Variants in USP32 observed in about 807,000 individuals in gnomAD.
USP32 encodes the protein ubiquitin specific peptidase 32.
In USP32, 59 loss-of-function variants were observed where a neutral mutation model predicts 204.8. The observed-to-expected ratio is 0.29, with a 90% confidence interval of 0.23 to 0.36. The LOEUF is 0.36. Ranked by LOEUF, USP32 falls within the 10% of genes least tolerant of loss-of-function variation. The pLI is 1.00. For missense variants in USP32, 1,160 were observed against 1,946.4 expected, an observed-to-expected ratio of 0.60 and a Z score of 7.60; for synonymous variants, 517 against 678.4, an observed-to-expected ratio of 0.76 and a Z score of 3.70.
chr17:60,204,481 T>C (rs2084772287), intron 26 of USP32, among the ~76,000 whole-genome samples: 1 of 151,436 alleles, frequency 6.6e-6, no homozygotes, highest in Admixed American at 6.6e-5. Context: ...TTTTTTTTTT[T>C]TTTTTGAGAC....
At position 60,336,393 on chromosome 17, in the gene USP32, T is replaced by G. The variant is rs1255337938; in HGVS notation, c.186+9088A>C. Among the ~76,000 whole-genome samples the G allele has an allele frequency of 2.1e-5, 3 of 143,158 alleles. 1 individual carries two copies. The highest frequency in any genetic ancestry group is 6.8e-5 in the Admixed American group (1 of 14,762). The allele number at this position is 143,158 out of a possible 152,430, so 93.9% of individuals were successfully genotyped here. Reference sequence around the variant, plus strand: ...GTTGTACTGTCATCTTACAGAAGCCTTGAAATCTTTTTTGTCCTGTCTTAC... The same window carrying G: ...GTTGTACTGTCATCTTACAGAAGCCGTGAAATCTTTTTTGTCCTGTCTTAC... On this transcript the variant is annotated intron_variant, in intron 2 of 33. Coordinates refer to ENST00000300896, the MANE Select transcript of USP32 (RefSeq NM_032582.4).
chr17:60,266,154 A>G, intron 7 of USP32, 63 bp from the exon 8 acceptor site: 2 of 1,322,246 alleles, frequency 1.5e-6, no homozygotes, highest in East Asian at 4.6e-5. Context: ...AATATATTTT[A>G]CTAGAAGTTG....
intron 1 of USP32, among the ~76,000 whole-genome samples, chr17:60,347,470 C>A (rs2088814844): frequency 6.6e-6 from 1 of 151,866 alleles, no homozygotes; most frequent in Non-Finnish European, 1.5e-5. Flanking sequence ...TCTCCCGCCT[C>A]AGCCTCCCGA....
intron 21 of USP32, 123 bp downstream of exon 21, chr17:60,210,890 T>A: frequency 7.0e-7 from 1 of 1,429,188 alleles, no homozygotes; most frequent in Non-Finnish European, 9.2e-7. Context: ...CTTTTGTTTA[T>A]ACCAAGTGAA....
intron 2 of USP32, among the ~76,000 whole-genome samples, chr17:60,339,544 T>C (rs1468807915): frequency 1.3e-5 from 2 of 149,780 alleles, no homozygotes; most frequent in South Asian, 2.1e-4. Context: ...GATCATGCTG[T>C]TGCACTCCAC....
intron 1 of USP32, among the ~76,000 whole-genome samples, chr17:60,362,758 CT>C (rs1346673643): frequency 1.3e-5 from 2 of 151,870 alleles, no homozygotes; most frequent in African/African-American, 4.8e-5. Flanking sequence ...TCACAAACTT[CT>C]GAAGCTATCA....
At chr17:60,271,214 G>T in intron 6 of USP32, 136 bp downstream of exon 6, 1 of 1,127,448 alleles carries the variant, frequency 8.9e-7, no homozygotes, top group Non-Finnish European at 1.2e-6. Flanking sequence ...ATTCCCATTT[G>T]TTTTTCCCCA....
intron 1 of USP32, among the ~76,000 whole-genome samples, chr17:60,412,422 G>A (rs1230207374): frequency 1.3e-5 from 2 of 151,836 alleles, no homozygotes; most frequent in Admixed American, 1.3e-4. Context: ...GGTGGGGCGG[G>A]GGAGCAGGTG....
At position 60,182,710 on chromosome 17, in the gene USP32, C is replaced by G. The variant is rs377161843; in HGVS notation, c.4123+455G>C. On this transcript the variant is annotated intron_variant, in intron 31 of 33. Transcript: ENST00000300896. ...CCCAGGAGGTAGAGGCTGCAGTGAG[C>G]TGTGATCTGTGTTGCACCACTGCAC... Among the ~76,000 whole-genome samples the G allele has an allele frequency of 6.6e-5, 10 of 152,064 alleles. No homozygotes were observed. The East Asian group carries it at 1.7e-3, about 26-fold the overall frequency.
intron 1 of USP32, among the ~76,000 whole-genome samples, chr17:60,379,394 T>G: frequency 6.6e-6 from 1 of 152,136 alleles, no homozygotes. Flanking sequence ...CACAAACATC[T>G]ACTACATTCC....
Position 60,265,997 on chromosome 17 carries a change from G to C in USP32, c.906C>G (p.Asp302Glu). Reference sequence around the variant, plus strand: ...TTACAGGAATATCATCAGTGCGGTTGTCCTTCCAGACTTCTAAAAGTGCAA... The same window carrying C: ...TTACAGGAATATCATCAGTGCGGTTCTCCTTCCAGACTTCTAAAAGTGCAA... The part of the protein sequence containing the change: ...MVVALLEVWK[D>E]NRTDDIPELH... The change falls in exon 8 of 34, where the codon GAC becomes GAG. Residue 302 changes from aspartate to glutamate, a missense_variant. Physicochemically the swap from Asp to Glu is conservative, Grantham distance 45. Around this residue, in one of 8 missense-constraint regions of USP32, gnomAD observed 536 missense variants for 680.9 expected, o/e 0.79. Transcript: ENST00000300896. 6.2e-7 allele frequency: 1 copy of C among 1,613,898 alleles called. No homozygotes were observed. The highest frequency in any genetic ancestry group is 8.5e-7 in the Non-Finnish European group (1 of 1,179,848).
upstream of USP32, among the ~76,000 whole-genome samples, chr17:60,396,848 A>G (rs2089904268): frequency 6.6e-6 from 1 of 152,176 alleles, no homozygotes; most frequent in African/African-American, 2.4e-5. Context: ...AGTTTACCCT[A>G]TGTTATACTC....
At chr17:60,231,491 T>C (rs1473859534) in intron 12 of USP32, 1 of 481,596 alleles carries the variant, frequency 2.1e-6, no homozygotes, top group African/African-American at 2.0e-5. Context: ...AGGTGTTTCA[T>C]TCCTTTTATT....
At chr17:60,372,733 A>G (rs534404303) in intron 1 of USP32, among the ~76,000 whole-genome samples, 1 of 151,034 alleles carries the variant, frequency 6.6e-6, no homozygotes, top group East Asian at 1.9e-4. Context: ...CCTCCAAGCT[A>G]CTGAAGACAT....
intron 4 of USP32, among the ~76,000 whole-genome samples, chr17:60,289,406 T>C (rs909462971): frequency 1.3e-5 from 2 of 152,220 alleles, no homozygotes; most frequent in African/African-American, 4.8e-5. Context: ...ATATCTTAAT[T>C]AAATCTGTAT....
rs774373761 is a variant in USP32, at chr17:60,226,025, T to A, written c.1432+14A>T. On this transcript the variant is annotated intron_variant, in intron 13 of 33. Transcript: ENST00000300896. ...AATAAACCAATAAACCTCAGGGGAA[T>A]AGGTCATATTTACCGCTGCCAGCAG... 1 of 1,580,238 alleles carries A rather than the reference T, an allele frequency of 6.3e-7. No homozygotes were observed. The highest frequency in any genetic ancestry group is 8.6e-7 in the Non-Finnish European group (1 of 1,168,382).
chr17:60,298,974 G>T (rs2087506087), intron 3 of USP32, among the ~76,000 whole-genome samples: 1 of 151,996 alleles, frequency 6.6e-6, no homozygotes, highest in African/African-American at 2.4e-5. Flanking sequence ...ACAAAATAAA[G>T]AAAATAAATT....
Position 60,418,516 on chromosome 17 carries a change from T to C in USP32, c.106+3730A>G, listed in dbSNP as rs569286109. ...CAAAAGCAAAAAGTGACTAATGGGA[T>C]CTAATTAAACTAAAGAGCTTCTGCA... On this transcript the variant is annotated intron_variant, in intron 1 of 3. Coordinates refer to the USP32 transcript ENST00000588898. Among the ~76,000 whole-genome samples, 17 of 151,988 alleles carry C rather than the reference T, an allele frequency of 1.1e-4. No individual in the cohort carries two copies. The South Asian group carries it at 3.3e-3, about 30-fold the overall frequency.
chr17:60,269,656 A>G, intron 6 of USP32, 99 bp from the exon 7 acceptor site: 2 of 994,906 alleles, frequency 2.0e-6, no homozygotes, highest in Non-Finnish European at 2.8e-6. Flanking sequence ...CCATAAACTG[A>G]CTGAATTTTT....
Sources: gnomAD v4.1 joint callset for allele counts (sites outside exome capture counted in the v4.1 genomes callset) on GRCh38, gnomAD v4.1.1 for gene constraint, gnomAD v4.1.1 regional missense constraint, MANE v1.5 for transcripts, NCBI Gene and HGNC (gene_info 2026-07-23, HGNC 2026-07-21) for gene names.